The following CMSS1 variants were observed in gnomAD, a reference collection of about 807,000 sequenced individuals.
CMSS1 encodes protein CMSS1.
CMSS1 carries 33 observed loss-of-function variants against 43.5 expected under a neutral mutation model. The observed-to-expected ratio is 0.76, with a 90% CI of 0.57 to 1.01. The LOEUF is 1.01. Among genes scored for constraint, CMSS1 ranks in the 50% least tolerant of loss-of-function variants. CMSS1 has a pLI of 0.00. For synonymous variants in CMSS1, 115 were observed against 117.2 expected, an observed-to-expected ratio of 0.98 and a Z score of 0.12; for missense variants, 313 against 326.4, an observed-to-expected ratio of 0.96 and a Z score of 0.32.
intron 1 of CMSS1, among the ~76,000 whole-genome samples, chr3:100,064,393 A>G (rs1395541473): frequency 6.8e-6 from 1 of 146,174 alleles, no homozygotes; most frequent in East Asian, 2.0e-4. Flanking sequence ...GACCCCCCCA[A>G]CACCCTTTTT....
At chr3:100,028,035 T>G (rs1366159003) in intron 1 of CMSS1, among the ~76,000 whole-genome samples, 2 of 152,206 alleles carry the variant, frequency 1.3e-5, no homozygotes, top group Non-Finnish European at 2.9e-5. Context: ...TGGATTTATA[T>G]TGATTAAATT....
chr3:99,895,344 C>T (rs1706214033), intron 1 of CMSS1, among the ~76,000 whole-genome samples: 1 of 150,386 alleles, frequency 6.6e-6, no homozygotes, highest in Non-Finnish European at 1.5e-5. Context: ...TGCAGTTGGT[C>T]TCATATATTT....
chr3:99,980,773 G>T (rs1483899343), intron 1 of CMSS1, among the ~76,000 whole-genome samples: 1 of 152,108 alleles, frequency 6.6e-6, no homozygotes, highest in Non-Finnish European at 1.5e-5. Context: ...ATTAGTTACA[G>T]GTGTGACTTG....
chr3:100,018,219 A>T (rs1710401731), intron 1 of CMSS1, among the ~76,000 whole-genome samples: 1 of 152,106 alleles, frequency 6.6e-6, no homozygotes, highest in Non-Finnish European at 1.5e-5. Context: ...CCAGCTACTC[A>T]GGAGGCTGAG....
chr3:100,074,260 C>T (rs1024284804), intron 1 of CMSS1, among the ~76,000 whole-genome samples: 6 of 152,212 alleles, frequency 3.9e-5, no homozygotes, highest in Non-Finnish European at 7.3e-5. Context: ...GAGAGCTCTT[C>T]GCTGCTTTCC....
At chr3:99,945,904 G>A (rs2107682070) in intron 1 of CMSS1, among the ~76,000 whole-genome samples, 1 of 152,364 alleles carries the variant, frequency 6.6e-6, no homozygotes, top group Non-Finnish European at 1.5e-5. Flanking sequence ...CTTGGGCTTA[G>A]AAGTGCCACA....
At chr3:99,832,660 C>A (rs1422546125) in intron 1 of CMSS1, among the ~76,000 whole-genome samples, 1 of 147,106 alleles carries the variant, frequency 6.8e-6, no homozygotes, top group Non-Finnish European at 1.5e-5. Context: ...CTGGCCAACA[C>A]GGTGAAACCC....
At chr3:99,820,959 A>C (rs1942427122) in intron 1 of CMSS1, among the ~76,000 whole-genome samples, 1 of 152,230 alleles carries the variant, frequency 6.6e-6, no homozygotes, top group Admixed American at 6.5e-5. Flanking sequence ...TTTTTGCTAT[A>C]ATCTGTTCCC....
chr3:100,170,049 C>T (rs1056921227), intron 6 of CMSS1, among the ~76,000 whole-genome samples: 2 of 152,162 alleles, frequency 1.3e-5, no homozygotes, highest in African/African-American at 4.8e-5. Context: ...ACAACAAGCC[C>T]TATTCATAAA....
intron 2 of CMSS1, chr3:100,159,865 C>T (rs747009209): frequency 1.5e-5 from 7 of 456,330 alleles, no homozygotes; most frequent in Non-Finnish European, 2.6e-5. Context: ...CAAAGACATT[C>T]ATTTTGTAGT....
chr3:100,014,891 C>T (rs200228364), intron 1 of CMSS1, among the ~76,000 whole-genome samples: 5,995 of 25,252 alleles, frequency 0.24, 1 homozygote, highest in Middle Eastern at 0.25. Context: ...TTTTTTCTTT[C>T]TTTCTTTTTT....
At chr3:99,990,062 T>A (rs1407652892) in intron 1 of CMSS1, among the ~76,000 whole-genome samples, 1 of 152,224 alleles carries the variant, frequency 6.6e-6, no homozygotes, top group African/African-American at 2.4e-5. Flanking sequence ...TGCAATTCTC[T>A]GTTTGCCGCT....
chr3:100,055,201 C>T (rs1208838511), intron 1 of CMSS1, among the ~76,000 whole-genome samples: 1 of 152,166 alleles, frequency 6.6e-6, no homozygotes, highest in Non-Finnish European at 1.5e-5. Flanking sequence ...TCAATTTCTT[C>T]GTGTATGCAT....
intron 3 of CMSS1, among the ~76,000 whole-genome samples, chr3:100,160,716 G>A (rs2067016038): frequency 6.6e-6 from 1 of 152,156 alleles, no homozygotes; most frequent in Non-Finnish European, 1.5e-5. Context: ...TTTCAGTCCT[G>A]TGGAGTGCCA....
At chr3:100,122,523 G>A (rs994461743) in intron 1 of CMSS1, among the ~76,000 whole-genome samples, 7 of 152,192 alleles carry the variant, frequency 4.6e-5, no homozygotes, top group African/African-American at 1.4e-4. Flanking sequence ...TAGCTCCCCA[G>A]GAATACATTG....
At chr3:100,000,700 G>A (rs566122592) in intron 1 of CMSS1, among the ~76,000 whole-genome samples, 3 of 152,274 alleles carry the variant, frequency 2.0e-5, no homozygotes, top group Non-Finnish European at 2.9e-5. Context: ...GGGCGATAGC[G>A]CAAGACTCTG....
At chr3:100,172,254 T>G (rs2067116354) in intron 7 of CMSS1, 62 bp from the exon 8 acceptor site, 14 of 1,378,382 alleles carry the variant, frequency 1.0e-5, no homozygotes, top group Non-Finnish European at 1.3e-5. Context: ...TGTTCTAAAT[T>G]GGTGTAAGAT....
intron 1 of CMSS1, among the ~76,000 whole-genome samples, chr3:99,844,489 G>A (rs1456144837): frequency 2.6e-5 from 4 of 152,214 alleles, no homozygotes; most frequent in African/African-American, 9.6e-5. Flanking sequence ...TAATTTAAAG[G>A]TCTTTCCCTG....
At chr3:100,048,614 CT>C (rs1305251362) in intron 1 of CMSS1, among the ~76,000 whole-genome samples, 1 of 152,122 alleles carries the variant, frequency 6.6e-6, no homozygotes, top group Non-Finnish European at 1.5e-5. Context: ...TCTTGCACCA[CT>C]TTTTTGGACT....
Sources: allele counts gnomAD v4.1 joint callset (sites outside exome capture counted in the v4.1 genomes callset), GRCh38; gene constraint gnomAD v4.1.1; transcripts MANE v1.5; gene names NCBI Gene and HGNC (gene_info 2026-07-23, HGNC 2026-07-21).